The following DROSHA variants were observed in gnomAD, a reference collection of about 807,000 sequenced individuals.
The protein encoded by DROSHA is ribonuclease 3.
A neutral mutation model predicts 181.9 loss-of-function variants in DROSHA; 56 were observed. The ratio of observed to expected loss-of-function variants is 0.31; its 90% confidence interval spans 0.25 to 0.38. DROSHA has a LOEUF of 0.38. Among genes scored for constraint, DROSHA ranks in the 10% least tolerant of loss-of-function variants. The probability of loss-of-function intolerance (pLI) is 1.00; values close to 1 mark genes in which losing one functional copy is unlikely to be tolerated. For missense variants in DROSHA, 1,218 were observed against 1,743.5 expected, an observed-to-expected ratio of 0.70 and a Z score of 5.37; for synonymous variants, 524 against 591.2, an observed-to-expected ratio of 0.89 and a Z score of 1.65.
intron 25 of DROSHA, 120 bp from the exon 26 acceptor site, chr5:31,431,798 A>G (rs1561149038): frequency 5.1e-6 from 4 of 790,226 alleles, no homozygotes; most frequent in Non-Finnish European, 4.2e-6. Context: ...TAATGGTTAC[A>G]AATCCATGAA....
intron 11 of DROSHA, 94 bp downstream of exon 11, chr5:31,504,461 G>A (rs1737671593): frequency 7.6e-7 from 1 of 1,319,956 alleles, no homozygotes; most frequent in Non-Finnish European, 1.1e-6. Flanking sequence ...GAATTTTGAT[G>A]GTATTATTTC....
chr5:31,483,928 C>A (rs1168710437), intron 15 of DROSHA, among the ~76,000 whole-genome samples: 1 of 152,028 alleles, frequency 6.6e-6, no homozygotes, highest in East Asian at 1.9e-4. Context: ...ACTATCAAGA[C>A]TTATTATAAT....
Position 31,426,429 on chromosome 5 carries a change from G to A in DROSHA, c.3217-1958C>T, listed in dbSNP as rs566140835. Among the ~76,000 whole-genome samples, 96 of 152,222 alleles carry A rather than the reference G, an allele frequency of 6.3e-4. 1 individual carries two copies. The highest frequency in any genetic ancestry group is 1.2e-3 in the Non-Finnish European group (81 of 68,014). On this transcript the variant is annotated intron_variant, in intron 27 of 35. Coordinates refer to ENST00000344624, the MANE Select transcript of DROSHA (RefSeq NM_001382508.1). ...AAGAGGCCTAGTGAGAAAGAATGAA[G>A]GTAAATAAGTGCACTTTAATACATT...
chr5:31,438,938 AG>A (rs1020797691), intron 23 of DROSHA, among the ~76,000 whole-genome samples: 1 of 152,112 alleles, frequency 6.6e-6, no homozygotes, highest in African/African-American at 2.4e-5. Context: ...CTCCAGCCAT[AG>A]GGAAGAATGT....
intron 23 of DROSHA, among the ~76,000 whole-genome samples, chr5:31,441,817 G>T (rs1307763815): frequency 6.6e-6 from 1 of 152,184 alleles, no homozygotes; most frequent in Non-Finnish European, 1.5e-5. Flanking sequence ...AAATAAAAAT[G>T]CATTTTCTGT....
chr5:31,491,071 A>T (rs896350393), intron 13 of DROSHA, among the ~76,000 whole-genome samples: 2 of 152,122 alleles, frequency 1.3e-5, no homozygotes, highest in Non-Finnish European at 2.9e-5. Flanking sequence ...GTAAACCTAA[A>T]ACTACTATTT....
chr5:31,484,401 A>G (rs1449900123), intron 15 of DROSHA, among the ~76,000 whole-genome samples: 1 of 138,294 alleles, frequency 7.2e-6, no homozygotes, highest in Non-Finnish European at 1.6e-5. Context: ...AAAAAAAAAA[A>G]AAAAAAAGAA....
chr5:31,489,027 G>A lies in DROSHA; in HGVS notation c.1843-2465C>T, dbSNP rs567247691. 3 of 152,322 alleles carry A rather than the reference G, an allele frequency of 2.0e-5. No homozygotes were observed. In the South Asian group the frequency reaches 6.2e-4, roughly 32 times the overall value. 9.4% of individuals were successfully genotyped at this position (152,322 alleles called of 1,614,324 possible). ...AAGATGACGAGTCTAGTTTCACACA[G>A]GTTGAGGGTAAAGTATCTGAGGAAA... is the stretch of plus-strand genomic sequence containing the variant. On this transcript the variant is annotated intron_variant, in intron 13 of 35. Transcript: ENST00000344624.
At chr5:31,518,478 C>T (rs1220581708) in intron 6 of DROSHA, among the ~76,000 whole-genome samples, 1 of 152,176 alleles carries the variant, frequency 6.6e-6, no homozygotes, top group African/African-American at 2.4e-5. Context: ...TAATAACTTT[C>T]CATAGTGAAT....
intron 20 of DROSHA, among the ~76,000 whole-genome samples, chr5:31,453,515 A>C (rs1747278956): frequency 6.6e-6 from 1 of 152,178 alleles, no homozygotes; most frequent in Non-Finnish European, 1.5e-5. Context: ...GAAAATTACT[A>C]TTAACTTTAA....
intron 23 of DROSHA, among the ~76,000 whole-genome samples, chr5:31,445,348 C>T (rs1158468924): frequency 6.6e-6 from 1 of 152,142 alleles, no homozygotes; most frequent in African/African-American, 2.4e-5. Flanking sequence ...TCTTCAAAGG[C>T]CTCAAGACCA....
In DROSHA at chr5:31,456,521, GAAGT is replaced by G. The variant is rs548770524; in HGVS notation, c.2575-4885_2575-4882del. 4.0e-4 allele frequency among the ~76,000 whole-genome samples: 61 copies of G among 151,350 alleles called. No individual in the cohort carries two copies. The South Asian group carries it at 5.9e-3, about 15-fold the overall frequency. On this transcript the variant is annotated intron_variant, in intron 20 of 35. Coordinates refer to ENST00000344624, the MANE Select transcript of DROSHA (RefSeq NM_001382508.1). ...ACACACACACACAGAGAGAGGAAGA[GAAGT>G]AAGGGAGAAATGTAATTATACTATA...
At chr5:31,486,131 A>C (rs973317953) in intron 14 of DROSHA, among the ~76,000 whole-genome samples, 1 of 152,230 alleles carries the variant, frequency 6.6e-6, no homozygotes, top group Non-Finnish European at 1.5e-5. Flanking sequence ...GGAGATAACG[A>C]ATAAGATTAT....
At chr5:31,493,337 A>T in intron 12 of DROSHA, 44 bp from the exon 13 acceptor site, 1 of 1,522,128 alleles carries the variant, frequency 6.6e-7, no homozygotes, top group African/African-American at 1.4e-5. Flanking sequence ...AATAAATGAC[A>T]TGAGTTGCAT....
At chr5:31,428,458 A>T (rs1477294748) in intron 27 of DROSHA, among the ~76,000 whole-genome samples, 1 of 152,234 alleles carries the variant, frequency 6.6e-6, no homozygotes, top group Non-Finnish European at 1.5e-5. Flanking sequence ...GATGCAAATC[A>T]AGATGCACAT....
chr5:31,427,804 A>G (rs1169624311), intron 27 of DROSHA, among the ~76,000 whole-genome samples: 1 of 152,228 alleles, frequency 6.6e-6, no homozygotes, highest in Non-Finnish European at 1.5e-5. Context: ...TCAAAAAAGA[A>G]GTACATTGGT....
In DROSHA at chr5:31,526,468, C is replaced by A. The variant is rs200873871; in HGVS notation, c.465G>T (p.Pro155=). Residue 155 remains proline, a synonymous_variant, in exon 5 of 36, where the codon CCG becomes CCT. Transcript: ENST00000344624. ...MMPPPSMPHP[P]PPPVMPQQVN... ...CCTGCTGCGGCATGACTGGAGGGGG[C>A]GGGGGATGAGGCATGGAGGGAGGGG... is the stretch of plus-strand genomic sequence containing the variant. 3 of 812,310 alleles carry A rather than the reference C, an allele frequency of 3.7e-6. No homozygotes were observed. Among genetic ancestry groups the A allele is most frequent in the African/African-American group, 4.8e-5 (2 of 41,664 alleles). 50.3% of individuals were successfully genotyped at this position (812,310 alleles called of 1,614,324 possible).
In DROSHA at chr5:31,514,975, A is replaced by G; in HGVS notation, c.1290+13T>C. The G allele has an allele frequency of 6.2e-7, 1 of 1,611,464 alleles. No individual in the cohort carries two copies. Among genetic ancestry groups the G allele is most frequent in the Non-Finnish European group, 8.5e-7 (1 of 1,178,260 alleles). Reference sequence around the variant, plus strand: ...AGCCCTAGTCTACAGCTTGTCTGCTACTTCAGACCTACCACCTGATCCATG... The same window carrying G: ...AGCCCTAGTCTACAGCTTGTCTGCTGCTTCAGACCTACCACCTGATCCATG... On this transcript the variant is annotated intron_variant, in intron 8 of 35. Coordinates refer to ENST00000344624, the MANE Select transcript of DROSHA (RefSeq NM_001382508.1). The surrounding 1 kb of genome is among the most constrained non-coding windows in gnomAD (Gnocchi z 4.4).
rs1289682118 is a variant in DROSHA, at chr5:31,470,402, T to C, written c.2241+1661A>G. ...CTTTCATATGTTAGTGGTCTTTGGGTTTTCACCTGGGCAAGCATCATACAT... is the reference window on the plus strand; with the variant it reads ...CTTTCATATGTTAGTGGTCTTTGGGCTTTCACCTGGGCAAGCATCATACAT... On this transcript the variant is annotated intron_variant, in intron 17 of 35. Transcript: ENST00000344624. This position sits in a 1 kb window ranked among gnomAD's most constrained non-coding sequence, Gnocchi z 4.0. 1.3e-5 allele frequency among the ~76,000 whole-genome samples: 2 copies of C among 152,130 alleles called. No homozygotes were observed. Among genetic ancestry groups the C allele is most frequent in the Non-Finnish European group, 2.9e-5 (2 of 68,020 alleles).
Sources: gnomAD v4.1 joint callset for allele counts (sites outside exome capture counted in the v4.1 genomes callset) on GRCh38, gnomAD v4.1.1 for gene constraint, Gnocchi (gnomAD v3.1) non-coding constraint, MANE v1.5 for transcripts, NCBI Gene and HGNC (gene_info 2026-07-23, HGNC 2026-07-21) for gene names.